Variants in ARHGAP21 observed in about 807,000 individuals in gnomAD.
ARHGAP21 encodes the protein rho GTPase-activating protein 21.
A neutral mutation model predicts 164.6 loss-of-function variants in ARHGAP21; 38 were observed. That is an observed-to-expected ratio of 0.23 (90% CI 0.18 to 0.30). The LOEUF is 0.30. Ranked by LOEUF, ARHGAP21 falls within the 10% of genes least tolerant of loss-of-function variation. The pLI is 1.00. For missense variants in ARHGAP21, 1,822 were observed against 2,370.7 expected, an observed-to-expected ratio of 0.77 and a Z score of 4.81; for synonymous variants, 766 against 857.9, an observed-to-expected ratio of 0.89 and a Z score of 1.87.
intron 2 of ARHGAP21, among the ~76,000 whole-genome samples, chr10:24,715,721 T>C (rs538520339): frequency 6.6e-6 from 1 of 152,314 alleles, no homozygotes; most frequent in African/African-American, 2.4e-5. Context: ...CTAAAATAAG[T>C]ATTCAGCTGG....
intron 6 of ARHGAP21, among the ~76,000 whole-genome samples, chr10:24,633,066 A>G (rs1461772789): frequency 6.6e-6 from 1 of 152,248 alleles, no homozygotes; most frequent in East Asian, 1.9e-4. Flanking sequence ...GAGGTTTTAA[A>G]ATAAACTATA....
At chr10:24,650,117 G>T (rs1290466765) in intron 4 of ARHGAP21, among the ~76,000 whole-genome samples, 1 of 152,178 alleles carries the variant, frequency 6.6e-6, no homozygotes, top group African/African-American at 2.4e-5. Context: ...CAATATTACT[G>T]AATAATTGTG....
At chr10:24,600,503 G>T in intron 14 of ARHGAP21, 143 bp downstream of exon 14, 1 of 1,028,018 alleles carries the variant, frequency 9.7e-7, no homozygotes, top group Non-Finnish European at 1.4e-6. Context: ...AGGTATGTTT[G>T]AGTTTTCCTT....
intron 9 of ARHGAP21, among the ~76,000 whole-genome samples, chr10:24,618,133 G>T (rs978438909): frequency 6.6e-6 from 1 of 152,094 alleles, no homozygotes; most frequent in East Asian, 1.9e-4. Context: ...TAATATTAAG[G>T]ACATAAGTCA....
Position 24,607,812 on chromosome 10 carries a change from T to A in ARHGAP21, c.2514A>T (p.Ile838=). 6.2e-7 allele frequency: 1 copy of A among 1,614,070 alleles called. No homozygotes were observed. The highest frequency in any genetic ancestry group is 8.5e-7 in the Non-Finnish European group (1 of 1,180,002). ...TTGTGAGGCAAGGAGGAACTGTTGCTATGGAGGGGACCTGAGAGGTAGAGG... is the reference window on the plus strand; with the variant it reads ...TTGTGAGGCAAGGAGGAACTGTTGCAATGGAGGGGACCTGAGAGGTAGAGG... ...ISASTSQVPS[I]ATVPPCLTTS... Residue 838 remains isoleucine (I), a synonymous_variant, in exon 10 of 26, where the codon ATA becomes ATT. Transcript: ENST00000396432.
In ARHGAP21 at chr10:24,585,879, C is replaced by A; in HGVS notation, c.4410G>T (p.Lys1470Asn). Residue 1470 changes from lysine to asparagine, a missense_variant, in exon 26 of 26, where the codon AAG (lysine) becomes AAT (asparagine). Around this residue, in one of 5 missense-constraint regions of ARHGAP21, gnomAD observed 333 missense variants for 383.9 expected, o/e 0.87. Transcript: ENST00000396432. ...TGCTGTTTTCTTTGGCAATGATGAT[C>A]TTCTGTTTTCTGCCCAGTGTCTCAC... is the stretch of plus-strand genomic sequence containing the variant. ...KESETLGRKQ[K>N]IIIAKENSTR... 6.2e-7 allele frequency: 1 copy of A among 1,614,004 alleles called. No individual in the cohort carries two copies. Among genetic ancestry groups the A allele is most frequent in the Non-Finnish European group, 8.5e-7 (1 of 1,179,902 alleles).
intron 4 of ARHGAP21, 130 bp downstream of exon 4, chr10:24,666,855 A>C: frequency 1.7e-6 from 1 of 571,512 alleles, no homozygotes; most frequent in Non-Finnish European, 3.0e-6. Context: ...TAATTCTATG[A>C]CTCTCACACC....
Position 24,669,528 on chromosome 10 carries a change from T to C in ARHGAP21, c.243+690A>G, listed in dbSNP as rs77149448. Among the ~76,000 whole-genome samples the C allele has an allele frequency of 5.6e-3, 848 of 152,328 alleles. 6 individuals are homozygous for C. Among genetic ancestry groups the C allele is most frequent in the Non-Finnish European group, 8.7e-3 (590 of 68,032 alleles). Reference sequence around the variant, plus strand: ...ATATTGGTCAAATTCAAATCCTAGATCAACTACTTATCTGTTTTATGACCC... The same window carrying C: ...ATATTGGTCAAATTCAAATCCTAGACCAACTACTTATCTGTTTTATGACCC... On this transcript the variant is annotated intron_variant, in intron 3 of 25. Transcript: ENST00000396432.
intron 6 of ARHGAP21, among the ~76,000 whole-genome samples, chr10:24,631,301 T>C (rs1203371173): frequency 2.0e-5 from 3 of 152,102 alleles, no homozygotes; most frequent in Admixed American, 6.5e-5. Flanking sequence ...GAGGCGGACA[T>C]TGCAGTGAGC....
chr10:24,621,089 T>C lies in ARHGAP21; in HGVS notation c.806A>G (p.Glu269Gly). The change falls in exon 9 of 26, where the codon GAA becomes GGA. Residue 269 changes from glutamate (E) to glycine (G), a missense_variant. This residue lies in a region of ARHGAP21 where 1,090 missense variants were observed against 1,378.9 expected (regional missense o/e 0.79). Coordinates refer to ENST00000396432, the MANE Select transcript of ARHGAP21 (RefSeq NM_020824.4). The stretch of plus-strand genomic sequence containing the variant: ...AGGCACAATGACAGTCCTTACACTT[T>C]CATTGCAAACACACACTGCTGTGTT... ...KSNTAVCVCN[E>G]SVRTVIVPSE... 1 of 1,614,002 alleles carries C rather than the reference T, an allele frequency of 6.2e-7. No homozygotes were observed. The highest frequency in any genetic ancestry group is 8.5e-7 in the Non-Finnish European group (1 of 1,179,868).
chr10:24,701,610 T>C (rs538711386), intron 2 of ARHGAP21, among the ~76,000 whole-genome samples: 1 of 152,174 alleles, frequency 6.6e-6, no homozygotes, highest in African/African-American at 2.4e-5. Flanking sequence ...GGCCCTGAGA[T>C]GAACAGCAAA....
chr10:24,715,270 T>C (rs1439740940), intron 2 of ARHGAP21, among the ~76,000 whole-genome samples: 2 of 152,182 alleles, frequency 1.3e-5, no homozygotes, highest in African/African-American at 4.8e-5. Flanking sequence ...ATTCTCATCA[T>C]TCAGAATAAA....
At chr10:24,659,262 AAAG>A (rs1263192189) in intron 4 of ARHGAP21, among the ~76,000 whole-genome samples, 3 of 152,360 alleles carry the variant, frequency 2.0e-5, no homozygotes, top group African/African-American at 4.8e-5. Context: ...ACTATTGTCC[AAAG>A]AAGATATACA....
chr10:24,704,452 G>A (rs947252844), intron 2 of ARHGAP21, among the ~76,000 whole-genome samples: 1 of 121,810 alleles, frequency 8.2e-6, no homozygotes, highest in African/African-American at 3.3e-5. Context: ...CACCATGCCT[G>A]ACTTATTTTT....
At chr10:24,718,490 G>T (rs1845617314) in intron 2 of ARHGAP21, among the ~76,000 whole-genome samples, 1 of 152,108 alleles carries the variant, frequency 6.6e-6, no homozygotes, top group African/African-American at 2.4e-5. Flanking sequence ...AACCAACAAT[G>T]GGGCAAGAAG....
chr10:24,635,096 T>C lies in ARHGAP21; in HGVS notation c.276A>G (p.Gln92=), dbSNP rs749491659. The C allele has an allele frequency of 6.3e-7, 1 of 1,588,774 alleles. No homozygotes were observed. Among genetic ancestry groups the C allele is most frequent in the East Asian group, 2.2e-5 (1 of 44,518 alleles). ...DEENGNRGGK[Q]RNRLEPMDTI... ...TATCCATTGGTTCCAAGCGGTTTCT[T>C]TGTTTTCCTGTTACAGAGAAGCCCA... The change falls in exon 5 of 26, where the codon CAA becomes CAG. Residue 92 remains glutamine, a synonymous_variant. Coordinates refer to ENST00000396432, the MANE Select transcript of ARHGAP21 (RefSeq NM_020824.4).
chr10:24,591,291 C>G lies in ARHGAP21; in HGVS notation c.4084G>C (p.Val1362Leu). 2 of 1,613,144 alleles carry G rather than the reference C, an allele frequency of 1.2e-6. No homozygotes were observed. The highest frequency in any genetic ancestry group is 1.7e-6 in the Non-Finnish European group (2 of 1,179,964). ...QEESTVDSQP[V>L]PNIDHLLTNI... The stretch of plus-strand genomic sequence containing the variant: ...GTGAGTAAATGATCTATGTTTGGCA[C>G]TGGCTGGGAGTCTACTGTGCTTTCC... The change falls in exon 24 of 26, where the codon GTG (valine) becomes CTG (leucine). Residue 1362 changes from valine (V) to leucine (L), a missense_variant. Physicochemically the swap from Val to Leu is conservative, Grantham distance 32 (BLOSUM62 1). This residue lies in a region of ARHGAP21 where 333 missense variants were observed against 383.9 expected (regional missense o/e 0.87). Coordinates refer to ENST00000396432, the MANE Select transcript of ARHGAP21 (RefSeq NM_020824.4).
intron 9 of ARHGAP21, among the ~76,000 whole-genome samples, chr10:24,619,054 G>A (rs138879149): frequency 2.0e-5 from 3 of 152,230 alleles, no homozygotes; most frequent in East Asian, 1.9e-4. Context: ...CTCAGTACAC[G>A]TTAAATTTAC....
chr10:24,597,900 C>A (rs2076653348), intron 15 of ARHGAP21, 45 bp downstream of exon 15: 1 of 1,569,640 alleles, frequency 6.4e-7, no homozygotes, highest in South Asian at 1.1e-5. Flanking sequence ...GATGACTGTA[C>A]TGATTTTATA....
Sources: allele counts gnomAD v4.1 joint callset (sites outside exome capture counted in the v4.1 genomes callset), GRCh38; gene constraint gnomAD v4.1.1; regional missense constraint gnomAD v4.1.1; transcripts MANE v1.5; gene names NCBI Gene and HGNC (gene_info 2026-07-23, HGNC 2026-07-21).